ASH1L: variants seen among roughly 807,000 people sequenced by gnomAD.
The protein encoded by ASH1L is histone-lysine N-methyltransferase ASH1L.
ASH1L carries 23 observed loss-of-function variants against 269.0 expected under a neutral mutation model. That is an observed-to-expected ratio of 0.09 (90% CI 0.06 to 0.12). ASH1L has a LOEUF of 0.12. Among genes scored for constraint, ASH1L ranks in the 10% least tolerant of loss-of-function variants. The probability of loss-of-function intolerance (pLI) is 1.00; values close to 1 mark genes in which losing one functional copy is unlikely to be tolerated. For synonymous variants in ASH1L, 1,187 were observed against 1,253.5 expected (o/e 0.95, Z 1.12); for missense variants, 2,912 against 3,567.8 (o/e 0.82, Z 4.68).
At chr1:155,397,489 C>G (rs1571100031) in intron 6 of ASH1L, among the ~76,000 whole-genome samples, 1 of 148,952 alleles carries the variant, frequency 6.7e-6, no homozygotes, top group Non-Finnish European at 1.5e-5. Context: ...AAGAGCGAAA[C>G]TCTGTCTCAG....
At position 155,489,461 on chromosome 1, in the gene ASH1L, G is replaced by A. The variant is rs375069662; in HGVS notation, c.421-7012C>T. 2.8e-4 allele frequency among the ~76,000 whole-genome samples: 38 copies of A among 137,576 alleles called. No individual in the cohort carries two copies. In the East Asian group the frequency reaches 7.0e-3, roughly 25 times the overall value. The allele number at this position is 137,576 out of a possible 152,430, so 90.3% of individuals were successfully genotyped here. A position where few individuals can be genotyped will look rare whatever the true frequency, so the allele number is the denominator to read the frequency against. The stretch of plus-strand genomic sequence containing the variant: ...TGTACTCCAGCCTGGGAGACAGACC[G>A]AGGCTCTGTCTCAAAAAAAAAAAAA... On this transcript the variant is annotated intron_variant, in intron 2 of 27. Transcript: ENST00000392403.
intron 12 of ASH1L, among the ~76,000 whole-genome samples, chr1:155,364,282 G>A (rs1247777995): frequency 6.6e-6 from 1 of 152,152 alleles, no homozygotes; most frequent in Non-Finnish European, 1.5e-5. Flanking sequence ...GGGAGAAAAA[G>A]ATATCTTCTA....
chr1:155,416,656 C>T (rs1660235081), intron 5 of ASH1L, among the ~76,000 whole-genome samples: 1 of 152,040 alleles, frequency 6.6e-6, no homozygotes, highest in Non-Finnish European at 1.5e-5. Flanking sequence ...CTGCCTCAGC[C>T]TCCTGAATAG....
chr1:155,395,844 AAAAG>A (rs1222583452), intron 6 of ASH1L, among the ~76,000 whole-genome samples: 2 of 152,166 alleles, frequency 1.3e-5, no homozygotes, highest in East Asian at 3.8e-4. Context: ...CTTTTAAAAA[AAAAG>A]AAAGAAAAGA....
chr1:155,446,635 T>C (rs1237067127), intron 4 of ASH1L, among the ~76,000 whole-genome samples: 1 of 149,814 alleles, frequency 6.7e-6, no homozygotes, highest in African/African-American at 2.5e-5. Context: ...TCTTTTTTTT[T>C]TTTTGAGACG....
At chr1:155,494,858 T>C (rs557719264) in intron 2 of ASH1L, among the ~76,000 whole-genome samples, 4 of 151,780 alleles carry the variant, frequency 2.6e-5, no homozygotes, top group Non-Finnish European at 5.9e-5. Flanking sequence ...AACAGTAAAC[T>C]AAGGACTGAT....
intron 3 of ASH1L, among the ~76,000 whole-genome samples, chr1:155,473,128 A>G (rs1184077685): frequency 6.6e-6 from 1 of 152,246 alleles, no homozygotes; most frequent in Non-Finnish European, 1.5e-5. Context: ...AAGCACATAA[A>G]TATTTTGCAG....
At chr1:155,367,772 T>C (rs1571015116) in intron 12 of ASH1L, among the ~76,000 whole-genome samples, 1 of 152,228 alleles carries the variant, frequency 6.6e-6, no homozygotes, top group African/African-American at 2.4e-5. Context: ...GATTTTTGAA[T>C]GTTAAACCAA....
chr1:155,480,490 C>T lies in ASH1L; in HGVS notation c.2380G>A (p.Ala794Thr). ...TTATGAGATGGTTTTTCACTATCAGCTAAGAGAGCAAGAGATGGAGCTGTG... is the reference window on the plus strand; with the variant it reads ...TTATGAGATGGTTTTTCACTATCAGTTAAGAGAGCAAGAGATGGAGCTGTG... ...KSTAPSLALL[A>T]DSEKPSHKSF... Residue 794 changes from alanine to threonine, a missense_variant, in exon 3 of 28, where the codon GCT becomes ACT. Coordinates refer to ENST00000392403, the MANE Select transcript of ASH1L (RefSeq NM_018489.3). The T allele has an allele frequency of 1.2e-6, 2 of 1,614,050 alleles. No homozygotes were observed. Among genetic ancestry groups the T allele is most frequent in the South Asian group, 2.2e-5 (2 of 91,076 alleles).
At chr1:155,404,403 G>C (rs1401943321) in intron 6 of ASH1L, among the ~76,000 whole-genome samples, 1 of 152,024 alleles carries the variant, frequency 6.6e-6, no homozygotes, top group Non-Finnish European at 1.5e-5. Context: ...GCCAGATATA[G>C]TGGCTAACCC....
chr1:155,443,779 T>C (rs1662780830), intron 4 of ASH1L, among the ~76,000 whole-genome samples: 1 of 152,194 alleles, frequency 6.6e-6, no homozygotes, highest in Non-Finnish European at 1.5e-5. Context: ...CTGTTCCTTT[T>C]TACTATTCAC....
chr1:155,343,587 A>G lies in ASH1L; in HGVS notation c.8120+17T>C. 1 of 1,613,928 alleles carries G rather than the reference A, an allele frequency of 6.2e-7. No homozygotes were observed. The highest frequency in any genetic ancestry group is 8.5e-7 in the Non-Finnish European group (1 of 1,179,850). ...TACAGCACGGCTGGAAGAAAAGGACAGGACCTCAGCACGTACTTTTCATTC... is the reference window on the plus strand; with the variant it reads ...TACAGCACGGCTGGAAGAAAAGGACGGGACCTCAGCACGTACTTTTCATTC... On this transcript the variant is annotated intron_variant, in intron 23 of 27. Coordinates refer to ENST00000392403, the MANE Select transcript of ASH1L (RefSeq NM_018489.3). The surrounding 1 kb of genome is among the most constrained non-coding windows in gnomAD (Gnocchi z 6.1).
chr1:155,392,311 T>TA (rs1657994569), intron 7 of ASH1L, among the ~76,000 whole-genome samples: 1 of 152,170 alleles, frequency 6.6e-6, no homozygotes, highest in African/African-American at 2.4e-5. Flanking sequence ...AGTGCTTACT[T>TA]GTACTGCTAA....
intron 15 of ASH1L, 29 bp downstream of exon 15, chr1:155,357,287 G>T: frequency 6.5e-7 from 1 of 1,549,248 alleles, no homozygotes; most frequent in Non-Finnish European, 8.9e-7. Context: ...AACTTACAAA[G>T]AACATGGATA....
chr1:155,476,475 T>C (rs1433422520), intron 3 of ASH1L, among the ~76,000 whole-genome samples: 1 of 152,156 alleles, frequency 6.6e-6, no homozygotes, highest in Non-Finnish European at 1.5e-5. Flanking sequence ...CAAAAGTTCA[T>C]GAATAATGAA....
At chr1:155,453,960 C>T (rs984087345) in intron 4 of ASH1L, among the ~76,000 whole-genome samples, 7 of 151,804 alleles carry the variant, frequency 4.6e-5, no homozygotes, top group African/African-American at 1.2e-4. Flanking sequence ...AAGAAATTAG[C>T]GGGGCGTGGT....
intron 5 of ASH1L, among the ~76,000 whole-genome samples, chr1:155,432,556 A>G (rs16836851): frequency 0.054 from 8,181 of 152,256 alleles, 728 homozygotes; most frequent in African/African-American, 0.19. Flanking sequence ...AACTGTTGCT[A>G]TCTCTGGGAA....
At chr1:155,370,189 C>CCA in intron 12 of ASH1L, 1 of 347,804 alleles carries the variant, frequency 2.9e-6, no homozygotes, top group South Asian at 3.3e-5. Flanking sequence ...CAGGTGTGTA[C>CCA]CACCACCCTG....
At position 155,535,803 on chromosome 1, in the gene ASH1L, A is replaced by G. The variant is rs576204892; in HGVS notation, c.-99-14185T>C. On this transcript the variant is annotated intron_variant, in intron 1 of 27. Transcript: ENST00000392403. ...GAGGTTGGGTTGGGAGTTTGAGACC[A>G]GCCTGACCAACATGGAAAAACACTG... Among the ~76,000 whole-genome samples the G allele has an allele frequency of 2.6e-5, 4 of 152,296 alleles. 1 individual carries two copies. In the South Asian group the frequency reaches 6.2e-4, roughly 24 times the overall value.
Sources: allele counts gnomAD v4.1 joint callset (sites outside exome capture counted in the v4.1 genomes callset), GRCh38; gene constraint gnomAD v4.1.1; non-coding constraint Gnocchi (gnomAD v3.1); transcripts MANE v1.5; gene names NCBI Gene and HGNC (gene_info 2026-07-23, HGNC 2026-07-21).